The following DDX60 variants were observed in gnomAD, a reference collection of about 807,000 sequenced individuals.
DDX60 encodes the protein DExD/H-box helicase 60, also known as probable ATP-dependent RNA helicase DDX60.
In DDX60, 165 loss-of-function variants were observed where a neutral mutation model predicts 212.8. The observed-to-expected ratio is 0.78, with a 90% CI of 0.68 to 0.88. The LOEUF (loss-of-function observed/expected upper bound fraction) is 0.88. DDX60 is among the 40% of genes least tolerant of loss of function. DDX60 has a pLI of 0.00. For synonymous variants in DDX60, 703 were observed against 685.3 expected (o/e 1.03, Z -0.40); for missense variants, 1,905 against 2,003.9 (o/e 0.95, Z 0.94).
intron 26 of DDX60, among the ~76,000 whole-genome samples, chr4:168,254,326 C>T (rs751680538): frequency 6.6e-6 from 1 of 152,100 alleles, no homozygotes; most frequent in Non-Finnish European, 1.5e-5. Context: ...CTTGAAGTCA[C>T]TAAGAAGGCT....
At chr4:168,219,024 T>G (rs541605975) in intron 37 of DDX60, among the ~76,000 whole-genome samples, 17 of 151,974 alleles carry the variant, frequency 1.1e-4, no homozygotes, top group African/African-American at 4.1e-4. Flanking sequence ...TTCTTGCCTG[T>G]AATCCTAGCA....
chr4:168,306,690 C>T lies in DDX60; in HGVS notation c.295G>A (p.Glu99Lys). 6.2e-7 allele frequency: 1 copy of T among 1,613,348 alleles called. No individual in the cohort carries two copies. The highest frequency in any genetic ancestry group is 8.5e-7 in the Non-Finnish European group (1 of 1,179,464). The change falls in exon 5 of 38, where the codon GAA (glutamate) becomes AAA (lysine). Residue 99 changes from glutamate to lysine, a missense_variant. By Grantham distance (56) the Glu-to-Lys change is moderately conservative (BLOSUM62 1). Transcript: ENST00000393743. ...AAAGCAGTTCTCAAAGAAAGAAGTT[C>T]AGGGAAGTTGAAATACGCATACTCG... ...DAEYAYFNFP[E>K]LLSLRTALIL... is the part of the protein sequence containing the mutation.
chr4:168,249,240 A>G (rs1734132244), intron 28 of DDX60, among the ~76,000 whole-genome samples: 1 of 152,188 alleles, frequency 6.6e-6, no homozygotes, highest in Non-Finnish European at 1.5e-5. Context: ...CTAAATTGTC[A>G]TAACTGAGCA....
At chr4:168,301,090 A>G (rs1366805427) in intron 6 of DDX60, among the ~76,000 whole-genome samples, 1 of 152,210 alleles carries the variant, frequency 6.6e-6, no homozygotes, top group Non-Finnish European at 1.5e-5. Flanking sequence ...TGAATCTATA[A>G]AAATCAAAAT....
intron 33 of DDX60, among the ~76,000 whole-genome samples, chr4:168,226,964 C>T (rs1220297464): frequency 2.0e-5 from 3 of 151,952 alleles, no homozygotes; most frequent in Admixed American, 6.6e-5. Context: ...TCTCAGCCTC[C>T]GAAACTGTGA....
At chr4:168,314,963 G>A (rs569911852) in intron 1 of DDX60, among the ~76,000 whole-genome samples, 3 of 152,080 alleles carry the variant, frequency 2.0e-5, no homozygotes, top group African/African-American at 7.2e-5. Flanking sequence ...CAAGAATAAA[G>A]AGAAAGACAG....
intron 1 of DDX60, among the ~76,000 whole-genome samples, chr4:168,314,223 C>T (rs960831045): frequency 1.3e-5 from 2 of 152,096 alleles, no homozygotes; most frequent in African/African-American, 4.8e-5. Flanking sequence ...CGCCCTAACA[C>T]CTAAACAGAA....
Position 168,246,592 on chromosome 4 carries a change from A to G in DDX60, c.3990T>C (p.Gly1330=), listed in dbSNP as rs767917539. Residue 1330 remains glycine, a synonymous_variant, in exon 30 of 38, where the codon GGT becomes GGC. Coordinates refer to ENST00000393743, the MANE Select transcript of DDX60 (RefSeq NM_017631.6). ...AATATACATCTCCCATCAGGTCTTG[A>G]CCTCTTCTTCCAGCACGGCCAGACA... The part of the protein sequence containing the change: ...RQMSGRAGRR[G]QDLMGDVYFF... 2.5e-6 allele frequency: 4 copies of G among 1,613,918 alleles called. No homozygotes were observed. Among genetic ancestry groups the G allele is most frequent in the African/African-American group, 1.3e-5 (1 of 74,968 alleles).
intron 22 of DDX60, among the ~76,000 whole-genome samples, chr4:168,264,382 T>G (rs1734752793): frequency 6.6e-6 from 1 of 152,216 alleles, no homozygotes. Context: ...TATATCAACA[T>G]ACTAAATAAA....
At chr4:168,264,000 G>T (rs77204576) in intron 22 of DDX60, among the ~76,000 whole-genome samples, 2 of 152,024 alleles carry the variant, frequency 1.3e-5, no homozygotes, top group African/African-American at 4.8e-5. Flanking sequence ...TGACAATAGG[G>T]CACTTGCTTT....
intron 22 of DDX60, chr4:168,263,688 A>G (rs1734719208): frequency 6.6e-6 from 1 of 152,180 alleles, no homozygotes; most frequent in Non-Finnish European, 1.5e-5. Context: ...GCACAGCAAG[A>G]AGACAGCTTA....
At chr4:168,279,257 A>C (rs35467900) in intron 14 of DDX60, among the ~76,000 whole-genome samples, 4,099 of 152,350 alleles carry the variant, frequency 0.027, 76 homozygotes, top group Non-Finnish European at 0.047. Context: ...CCCAGAAGTG[A>C]AAAAATACTT....
rs564994775 is a variant in DDX60, at chr4:168,289,643, T to C, written c.1042-1328A>G. ...TAGATATCTCCATGTGGACATTGCA[T>C]TGGCACTCAAAACTCAGTATTTCCA... On this transcript the variant is annotated intron_variant, in intron 8 of 37. Transcript: ENST00000393743. Among the ~76,000 whole-genome samples the C allele has an allele frequency of 7.9e-5, 12 of 152,280 alleles. 1 individual carries two copies. Among genetic ancestry groups the C allele is most frequent in the African/African-American group, 2.9e-4 (12 of 41,550 alleles).
At position 168,267,626 on chromosome 4, in the gene DDX60, G is replaced by A. The variant is rs781468359; in HGVS notation, c.2995C>T (p.His999Tyr). The A allele has an allele frequency of 6.2e-6, 10 of 1,602,754 alleles. No homozygotes were observed. The highest frequency in any genetic ancestry group is 1.7e-5 in the Admixed American group (1 of 59,234). Residue 999 changes from histidine to tyrosine, a missense_variant, in exon 22 of 38, where the codon CAT becomes TAT. Physicochemically the swap from His to Tyr is moderately conservative, Grantham distance 83. Transcript: ENST00000393743. ...HVCSIKHGDI[H>Y]FDHFHPCAAL... ...GCACATGGGTGAAAATGATCAAAAT[G>A]AATGTCACCATGTTTTATTGAACAT...
In DDX60 at chr4:168,276,190, A is replaced by G. The variant is rs768717161; in HGVS notation, c.1979-9T>C. On this transcript the variant is annotated splice_polypyrimidine_tract_variant and intron_variant, in intron 14 of 37. Transcript: ENST00000393743. ...ATCTTTCGTGGTTTTACCTTGATAA[A>G]CAATAAACAATAAAATTGTTATAAA... 1 of 1,582,122 alleles carries G rather than the reference A, an allele frequency of 6.3e-7. No individual in the cohort carries two copies. Among genetic ancestry groups the G allele is most frequent in the Non-Finnish European group, 8.6e-7 (1 of 1,159,314 alleles).
intron 24 of DDX60, 105 bp from the exon 25 acceptor site, chr4:168,261,094 T>C (rs1272020671): frequency 1.1e-5 from 14 of 1,269,286 alleles, no homozygotes; most frequent in Middle Eastern, 5.5e-4. Context: ...TGTTTTTGGG[T>C]TTTTTTAAAA....
intron 33 of DDX60, among the ~76,000 whole-genome samples, chr4:168,231,512 T>C (rs1466587494): frequency 1.3e-5 from 2 of 152,024 alleles, no homozygotes; most frequent in Non-Finnish European, 2.9e-5. Context: ...AAAGATAATC[T>C]ACCATGATCA....
intron 22 of DDX60, among the ~76,000 whole-genome samples, chr4:168,263,030 A>C (rs571435162): frequency 2.0e-5 from 3 of 152,312 alleles, no homozygotes; most frequent in Admixed American, 1.3e-4. Context: ...TCATTGTGCT[A>C]ATTTTCTATG....
intron 30 of DDX60, among the ~76,000 whole-genome samples, chr4:168,238,788 T>C (rs1733732708): frequency 6.6e-6 from 1 of 152,142 alleles, no homozygotes; most frequent in African/African-American, 2.4e-5. Flanking sequence ...TAGCATTGCA[T>C]ACTATAGTTT....
Sources: gnomAD v4.1 joint callset for allele counts (sites outside exome capture counted in the v4.1 genomes callset) on GRCh38, gnomAD v4.1.1 for gene constraint, MANE v1.5 for transcripts, NCBI Gene and HGNC (gene_info 2026-07-23, HGNC 2026-07-21) for gene names.